NOL8: variants seen among roughly 807,000 people sequenced by gnomAD.
NOL8 encodes nucleolar protein Nop132.
NOL8 carries 93 observed loss-of-function variants against 116.1 expected under a neutral mutation model. That is an observed-to-expected ratio of 0.80 (90% CI 0.68 to 0.95). The LOEUF (loss-of-function observed/expected upper bound fraction) is 0.95, where lower values mean the gene tolerates loss of function less well. NOL8 is among the 40% of genes least tolerant of loss of function. NOL8 has a pLI of 0.00. For missense variants in NOL8, 1,291 were observed against 1,382.8 expected (o/e 0.93, Z 1.05); for synonymous variants, 419 against 469.0 (o/e 0.89, Z 1.38).
chr9:92,321,534 G>A (rs1045480670), intron 4 of NOL8, 134 bp downstream of exon 4: 9 of 588,624 alleles, frequency 1.5e-5, no homozygotes, highest in Admixed American at 1.5e-4. Flanking sequence ...GAGTTGAAAG[G>A]GATTTCAGCT....
intron 10 of NOL8, among the ~76,000 whole-genome samples, chr9:92,309,812 G>C (rs16908281): frequency 0.061 from 9,296 of 152,208 alleles, 400 homozygotes; most frequent in African/African-American, 0.11. Flanking sequence ...GATGAACACT[G>C]TTCCTTTTAG....
In NOL8 at chr9:92,306,893, T is replaced by C; in HGVS notation, c.2818A>G (p.Lys940Glu). 6.2e-7 allele frequency: 1 copy of C among 1,612,286 alleles called. No homozygotes were observed. Among genetic ancestry groups the C allele is most frequent in the Non-Finnish European group, 8.5e-7 (1 of 1,179,088 alleles). The change falls in exon 11 of 17, where the codon AAA (lysine) becomes GAA (glutamate). Residue 940 changes from lysine (K) to glutamate (E), a missense_variant. By Grantham distance (56) the Lys-to-Glu change is moderately conservative. Transcript: ENST00000442668. ...STNRGSVAAK[K>E]FKDIIHYDPT... ...ATGGAACATAAAACATACTTAAATT[T>C]CTTAGCAGCTACTGATCCTCTGTTT...
chr9:92,297,770 GT>G lies in NOL8; in HGVS notation c.*65del. 1 of 1,219,174 alleles carries G rather than the reference GT, an allele frequency of 8.2e-7. No homozygotes were observed. Among genetic ancestry groups the G allele is most frequent in the South Asian group, 1.5e-5 (1 of 65,944 alleles). The allele number at this position is 1,219,174 out of a possible 1,614,324, so 75.5% of individuals were successfully genotyped here. A position where few individuals can be genotyped will look rare whatever the true frequency, so the allele number is the denominator to read the frequency against. ...AATTTCTTCTTTGTCAGCTAAAACT[GT>G]TTTCTGGGTCAGTTTCCTTAGGTGA... On this transcript the variant is annotated 3_prime_UTR_variant, in exon 17 of 17. Transcript: ENST00000442668.
intron 11 of NOL8, among the ~76,000 whole-genome samples, chr9:92,306,500 G>A (rs2134101377): frequency 6.6e-6 from 1 of 152,248 alleles, no homozygotes; most frequent in South Asian, 2.1e-4. Flanking sequence ...GCTAGGTGAT[G>A]GTGTACAGGG....
intron 4 of NOL8, among the ~76,000 whole-genome samples, chr9:92,320,898 T>A (rs185740175): frequency 6.6e-6 from 1 of 152,208 alleles, no homozygotes; most frequent in South Asian, 2.1e-4. Flanking sequence ...TGAGCCACCG[T>A]GCCCGGCCTC....
chr9:92,319,950 C>CT (rs1340491028), intron 4 of NOL8: 2 of 417,812 alleles, frequency 4.8e-6, no homozygotes, highest in Non-Finnish European at 9.6e-6. Flanking sequence ...TACCTGTGCT[C>CT]TGCTCCAGTG....
At chr9:92,309,510 A>G (rs1293415886) in intron 10 of NOL8, among the ~76,000 whole-genome samples, 2 of 152,148 alleles carry the variant, frequency 1.3e-5, no homozygotes, top group Non-Finnish European at 2.9e-5. Flanking sequence ...AGAAAAAAAA[A>G]GAAGGGCAGA....
intron 11 of NOL8, among the ~76,000 whole-genome samples, chr9:92,306,558 T>C (rs1164896048): frequency 6.6e-6 from 1 of 152,180 alleles, no homozygotes; most frequent in African/African-American, 2.4e-5. Context: ...GGGCTTTCAT[T>C]AGTCTCTCTA....
In NOL8 at chr9:92,311,244, C is replaced by T; in HGVS notation, c.2374G>A (p.Asp792Asn). 1 of 1,613,518 alleles carries T rather than the reference C, an allele frequency of 6.2e-7. No homozygotes were observed. The highest frequency in any genetic ancestry group is 8.5e-7 in the Non-Finnish European group (1 of 1,179,606). Residue 792 changes from aspartate (D) to asparagine (N), a missense_variant, in exon 8 of 17, where the codon GAT (aspartate) becomes AAT (asparagine). Physicochemically the swap from Asp to Asn is conservative, Grantham distance 23 (BLOSUM62 1). Transcript: ENST00000442668. The stretch of plus-strand genomic sequence containing the variant: ...CCGAAGATGATGTGCGTTGGCTTAT[C>T]CTCTGGATGACCATCCTAGGGAGGC... ...ALANLDGHPE[D>N]KPTHIIFGSD...
Position 92,314,511 on chromosome 9 carries a change from T to C in NOL8, c.2114A>G (p.Glu705Gly). ...KDSCHSTTKT[E>G]ASQEERSDSS... ...ATCAGACCGCTCTTCCTGTGAAGCT[T>C]CTGTCTTTGTGGTACTATGGCAGCT... Residue 705 changes from glutamate to glycine, a missense_variant, in exon 7 of 17, where the codon GAA becomes GGA. By Grantham distance (98) the Glu-to-Gly change is moderately conservative. Coordinates refer to ENST00000442668, the MANE Select transcript of NOL8 (RefSeq NM_017948.6). 1 of 1,613,678 alleles carries C rather than the reference T, an allele frequency of 6.2e-7. No homozygotes were observed. Among genetic ancestry groups the C allele is most frequent in the Non-Finnish European group, 8.5e-7 (1 of 1,179,680 alleles).
At position 92,306,938 on chromosome 9, in the gene NOL8, T is replaced by G; in HGVS notation, c.2773A>C (p.Ile925Leu). ...CTGTTTGTAGAATTGCTTAAGTTGATTTGCAAAACACTTTGTACAACATTC... is the reference window on the plus strand; with the variant it reads ...CTGTTTGTAGAATTGCTTAAGTTGAGTTGCAAAACACTTTGTACAACATTC... ...ALNVVQSVLQ[I>L]NLSNSTNRGS... is the part of the protein sequence containing the mutation. The change falls in exon 11 of 17, where the codon ATC becomes CTC. Residue 925 changes from isoleucine (I) to leucine (L), a missense_variant. Ile to Leu is a conservative substitution (Grantham distance 5, BLOSUM62 2). Coordinates refer to ENST00000442668, the MANE Select transcript of NOL8 (RefSeq NM_017948.6). 1 of 1,613,486 alleles carries G rather than the reference T, an allele frequency of 6.2e-7. No homozygotes were observed.
In NOL8 at chr9:92,314,478, C is replaced by A; in HGVS notation, c.2147G>T (p.Gly716Val). ...ASQEERSDSS[G>V]LTSLKKSPKV... ...TGGTGATTTCTTGAGAGATGTGAGG[C>A]CGCTTGAATCAGACCGCTCTTCCTG... Residue 716 changes from glycine (G) to valine (V), a missense_variant, in exon 7 of 17, where the codon GGC becomes GTC. By Grantham distance (109) the Gly-to-Val change is moderately radical. Coordinates refer to ENST00000442668, the MANE Select transcript of NOL8 (RefSeq NM_017948.6). 1 of 1,612,788 alleles carries A rather than the reference C, an allele frequency of 6.2e-7. No individual in the cohort carries two copies. The highest frequency in any genetic ancestry group is 1.7e-5 in the Admixed American group (1 of 59,986).
Position 92,324,215 on chromosome 9 carries a change from T to C in NOL8, c.-48-6A>G. 6.4e-7 allele frequency: 1 copy of C among 1,557,570 alleles called. No homozygotes were observed. Among genetic ancestry groups the C allele is most frequent in the Non-Finnish European group, 8.7e-7 (1 of 1,147,796 alleles). On this transcript the variant is annotated splice_region_variant and splice_polypyrimidine_tract_variant and intron_variant, in intron 1 of 16. Coordinates refer to ENST00000442668, the MANE Select transcript of NOL8 (RefSeq NM_017948.6). ...TCAGTGGGAAAAGTAATTTTCTGTA[T>C]ACAGAGAAGAGTTCTTTCCCTTAGT...
In NOL8 at chr9:92,315,483, G is replaced by C. The variant is rs767449116; in HGVS notation, c.1142C>G (p.Thr381Arg). ...TTTTTTCATCGCAATAATTTCATCT[G>C]TATCTCCTGAGTCATACTCACGATC... ...RNDREYDSGD[T>R]DEIIAMKKNV... The change falls in exon 7 of 17, where the codon ACA (threonine) becomes AGA (arginine). Residue 381 changes from threonine to arginine, a missense_variant. Physicochemically the swap from Thr to Arg is moderately conservative, Grantham distance 71. Transcript: ENST00000442668. 4.4e-6 allele frequency: 7 copies of C among 1,606,158 alleles called. No homozygotes were observed. The highest frequency in any genetic ancestry group is 1.7e-5 in the Admixed American group (1 of 58,852).
chr9:92,316,035 CCTT>C lies in NOL8; in HGVS notation c.587_589del (p.Glu196del). 1 of 1,613,986 alleles carries C rather than the reference CCTT, an allele frequency of 6.2e-7. No homozygotes were observed. The highest frequency in any genetic ancestry group is 8.5e-7 in the Non-Finnish European group (1 of 1,179,902). On this transcript the variant is annotated inframe_deletion, in exon 7 of 17. Transcript: ENST00000442668. ...TTTCTTACTCATAGGGTCATTCCCT[CCTT>C]CTAATTCCCAAGTCAGGCTGGATAT... is the stretch of plus-strand genomic sequence containing the variant.
intron 2 of NOL8, 86 bp from the exon 3 acceptor site, chr9:92,323,589 A>C: frequency 9.4e-7 from 1 of 1,067,970 alleles, no homozygotes. Context: ...TTCTAAATTA[A>C]AAAAAAAAAT....
At chr9:92,302,322 G>A (rs59083571) in intron 12 of NOL8, among the ~76,000 whole-genome samples, 10,036 of 152,180 alleles carry the variant, frequency 0.066, 476 homozygotes, top group African/African-American at 0.13. Context: ...AATCTGCTCT[G>A]TATTTAGGAA....
chr9:92,321,630 A>G (rs1839933916), intron 4 of NOL8, 38 bp downstream of exon 4: 1 of 1,253,676 alleles, frequency 8.0e-7, no homozygotes, highest in Admixed American at 2.8e-5. Flanking sequence ...TACAATATAA[A>G]AAAAATAGGG....
At position 92,318,944 on chromosome 9, in the gene NOL8, G is replaced by A. The variant is rs76183571; in HGVS notation, c.418-258C>T. On this transcript the variant is annotated intron_variant, in intron 5 of 16. Coordinates refer to ENST00000442668, the MANE Select transcript of NOL8 (RefSeq NM_017948.6). ...AAAACACTGGCTGCTAATTTGAACA[G>A]GCAAACTTGGGACCTGCCTGTATTC... 8.8e-3 allele frequency: 4,489 copies of A among 507,922 alleles called. 26 individuals are homozygous for A. Among genetic ancestry groups the A allele is most frequent in the Middle Eastern group, 0.02 (40 of 1,982 alleles). 31.5% of individuals were successfully genotyped at this position (507,922 alleles called of 1,614,324 possible).
Sources: gnomAD v4.1 joint callset for allele counts (sites outside exome capture counted in the v4.1 genomes callset) on GRCh38, gnomAD v4.1.1 for gene constraint, MANE v1.5 for transcripts, NCBI Gene and HGNC (gene_info 2026-07-23, HGNC 2026-07-21) for gene names.